Variants in CHD8 observed in about 807,000 individuals in gnomAD.
CHD8 encodes the protein chromodomain helicase DNA binding protein 8.
Under a neutral mutation model 279.2 loss-of-function variants are expected in CHD8, and 31 were observed. The ratio of observed to expected loss-of-function variants is 0.11; its 90% confidence interval spans 0.08 to 0.15. The LOEUF is 0.15. Ranked by LOEUF, CHD8 falls within the 10% of genes least tolerant of loss-of-function variation. The probability of loss-of-function intolerance (pLI) is 1.00; values close to 1 mark genes in which losing one functional copy is unlikely to be tolerated. For synonymous variants in CHD8, 1,081 were observed against 1,139.6 expected, an observed-to-expected ratio of 0.95 and a Z score of 1.04; for missense variants, 2,146 against 3,230.5, an observed-to-expected ratio of 0.66 and a Z score of 8.14.
chr14:21,419,073 G>T (rs1594364600), intron 5 of CHD8, among the ~76,000 whole-genome samples: 1 of 152,292 alleles, frequency 6.6e-6, no homozygotes. Context: ...ATTTTAAAAA[G>T]TCTGGGAGGA....
Position 21,393,665 on chromosome 14 carries a change from G to A in CHD8, c.6130C>T (p.Arg2044Ter), listed in dbSNP as rs772226664. The A allele has an allele frequency of 6.2e-7, 1 of 1,613,864 alleles. No homozygotes were observed. Among genetic ancestry groups the A allele is most frequent in the Non-Finnish European group, 8.5e-7 (1 of 1,179,814 alleles). The change falls in exon 32 of 38, where the codon CGA (arginine) becomes TGA (stop). Residue 2044 changes from arginine (R) to a stop codon, truncating the protein, a stop_gained. Coordinates refer to ENST00000646647, the MANE Select transcript of CHD8 (RefSeq NM_001170629.2). LOFTEE classifies it high-confidence loss of function. ...SRPTPQDYEMRVSPSDTTPLV... is the reference protein window; with the variant it reads ...SRPTPQDYEM Reference sequence around the variant, plus strand: ...GGGGTAGTATCAGAGGGGGATACTCGCATCTCATAGTCTTGTGGGGTTGGT... The same window carrying A: ...GGGGTAGTATCAGAGGGGGATACTCACATCTCATAGTCTTGTGGGGTTGGT...
chr14:21,403,348 CT>C lies in CHD8; in HGVS notation c.3518+104del, dbSNP rs1888114482. On this transcript the variant is annotated intron_variant, in intron 17 of 37. Coordinates refer to ENST00000646647, the MANE Select transcript of CHD8 (RefSeq NM_001170629.2). This position sits in a 1 kb window ranked among gnomAD's most constrained non-coding sequence, Gnocchi z 4.3. ...AAGTTGAGAGTGAGAATCTTAAAAA[CT>C]TCTCTTATTGCAATTGGTGAACTCT... The C allele has an allele frequency of 7.9e-7, 1 of 1,266,202 alleles. No individual in the cohort carries two copies. The highest frequency in any genetic ancestry group is 1.1e-6 in the Non-Finnish European group (1 of 909,300). The allele number at this position is 1,266,202 out of a possible 1,614,324, so 78.4% of individuals were successfully genotyped here. A position where few individuals can be genotyped will look rare whatever the true frequency, so the allele number is the denominator to read the frequency against.
intron 1 of CHD8, among the ~76,000 whole-genome samples, chr14:21,449,948 TAGG>T (rs1464828691): frequency 6.6e-6 from 1 of 152,164 alleles, no homozygotes; most frequent in Non-Finnish European, 1.5e-5. Flanking sequence ...CTAAATTTTA[TAGG>T]AGAATTGATA....
Position 21,402,332 on chromosome 14 carries a change from T to C in CHD8, c.3882+4A>G. The C allele has an allele frequency of 6.2e-7, 1 of 1,613,908 alleles. No individual in the cohort carries two copies. Among genetic ancestry groups the C allele is most frequent in the Non-Finnish European group, 8.5e-7 (1 of 1,179,812 alleles). ...AAACTTATCTATAAACTAAGAGGAC[T>C]CACTCCAGTAATGTTGCCATCCCGA... On this transcript the variant is annotated splice_donor_region_variant and intron_variant, in intron 19 of 37. Coordinates refer to ENST00000646647, the MANE Select transcript of CHD8 (RefSeq NM_001170629.2). The surrounding 1 kb of genome is among the most constrained non-coding windows in gnomAD (Gnocchi z 4.5).
chr14:21,415,165 AAAGT>A (rs1594358872), intron 7 of CHD8, 172 bp from the exon 8 acceptor site: 1 of 588,258 alleles, frequency 1.7e-6, no homozygotes, highest in East Asian at 2.9e-5. Flanking sequence ...ATAGCTGGAA[AAAGT>A]AAGCCTTTAT....
intron 1 of CHD8, among the ~76,000 whole-genome samples, chr14:21,438,818 ACT>A (rs1333876084): frequency 2.0e-5 from 3 of 150,282 alleles, no homozygotes; most frequent in African/African-American, 7.4e-5. Flanking sequence ...ACACAGCGAG[ACT>A]CTGTCTTAAA....
At chr14:21,397,031 T>C in intron 27 of CHD8, 1 of 188,538 alleles carries the variant, frequency 5.3e-6, no homozygotes, top group South Asian at 9.6e-5. Context: ...ACACAGTTCC[T>C]TTTTCTTGAC....
Position 21,403,245 on chromosome 14 carries a change from G to C in CHD8, c.3519-33C>G, listed in dbSNP as rs763784036. ...GGAATCGCAGAAAAAAAATGTAAGT[G>C]GCTAAGCAGAAGTGGAGACCAAAAC... On this transcript the variant is annotated intron_variant, in intron 17 of 37. Transcript: ENST00000646647. The surrounding 1 kb of genome is among the most constrained non-coding windows in gnomAD (Gnocchi z 4.3). 2 of 1,600,208 alleles carry C rather than the reference G, an allele frequency of 1.2e-6. No homozygotes were observed. The highest frequency in any genetic ancestry group is 1.3e-5 in the African/African-American group (1 of 74,576).
At chr14:21,448,461 G>A (rs138670356) in intron 1 of CHD8, among the ~76,000 whole-genome samples, 46 of 152,262 alleles carry the variant, frequency 3.0e-4, no homozygotes, top group African/African-American at 1.0e-3. Context: ...ACATTCTCAA[G>A]GTTCTACAAT....
chr14:21,444,268 GA>G (rs796639539), intron 1 of CHD8, among the ~76,000 whole-genome samples: 1 of 151,854 alleles, frequency 6.6e-6, no homozygotes, highest in South Asian at 2.1e-4. Flanking sequence ...GGATAAATTG[GA>G]AAAAAAATTG....
At position 21,393,727 on chromosome 14, in the gene CHD8, G is replaced by C. The variant is rs1254375366; in HGVS notation, c.6068C>G (p.Thr2023Ser). 1.2e-6 allele frequency: 2 copies of C among 1,613,802 alleles called. No homozygotes were observed. Among genetic ancestry groups the C allele is most frequent in the Non-Finnish European group, 1.7e-6 (2 of 1,179,864 alleles). The change falls in exon 32 of 38, where the codon ACT becomes AGT. Residue 2023 changes from threonine (T) to serine (S), a missense_variant. By Grantham distance (58) the Thr-to-Ser change is moderately conservative (BLOSUM62 1). Transcript: ENST00000646647. ...ATQVPSLESLTLKLEHEVVAR... is the reference protein window; with the variant it reads ...ATQVPSLESLSLKLEHEVVAR... ...CACCACCTCGTGCTCTAGCTTTAAAGTCAGACTCTCCAGACTGGGGACCTG... is the reference window on the plus strand; with the variant it reads ...CACCACCTCGTGCTCTAGCTTTAAACTCAGACTCTCCAGACTGGGGACCTG...
intron 37 of CHD8, among the ~76,000 whole-genome samples, chr14:21,388,404 T>C (rs1454187937): frequency 6.6e-6 from 1 of 152,236 alleles, no homozygotes; most frequent in Non-Finnish European, 1.5e-5. Flanking sequence ...AGTATTTATA[T>C]TGTGTTAGGT....
At chr14:21,386,349 T>A in intron 37 of CHD8, 173 bp from the exon 38 acceptor site, 1 of 611,942 alleles carries the variant, frequency 1.6e-6, no homozygotes, top group Non-Finnish European at 2.8e-6. Context: ...GAGGAAATGC[T>A]GGACTTAGCT....
chr14:21,408,768 T>C lies in CHD8; in HGVS notation c.2422A>G (p.Arg808Gly). 3 of 1,610,336 alleles carry C rather than the reference T, an allele frequency of 1.9e-6. No individual in the cohort carries two copies. Among genetic ancestry groups the C allele is most frequent in the East Asian group, 2.2e-5 (1 of 44,802 alleles). ...KLELSHEYKNRNQLREYQLEG... is the reference protein window; with the variant it reads ...KLELSHEYKNGNQLREYQLEG... ...AACTGATATTCCCGTAGCTGGTTTC[T>C]GTTTTTATATTCATGTGATAGCTCC... The change falls in exon 12 of 38, where the codon AGA becomes GGA. Residue 808 changes from arginine (R) to glycine (G), a missense_variant. Transcript: ENST00000646647. This position sits in a 1 kb window ranked among gnomAD's most constrained non-coding sequence, Gnocchi z 4.3.
At chr14:21,386,731 C>T (rs535972128) in intron 37 of CHD8, among the ~76,000 whole-genome samples, 2 of 151,728 alleles carry the variant, frequency 1.3e-5, no homozygotes, top group South Asian at 2.1e-4. Context: ...CACAGCTACT[C>T]GGGAGGCTGA....
At chr14:21,407,576 G>A (rs1044115489) in intron 13 of CHD8, among the ~76,000 whole-genome samples, 2 of 151,968 alleles carry the variant, frequency 1.3e-5, no homozygotes, top group Non-Finnish European at 2.9e-5. Context: ...TTCCAATTTT[G>A]TTTTCAAATT....
chr14:21,426,149 T>A lies in CHD8; in HGVS notation c.1695A>T (p.Glu565Asp), dbSNP rs1889307696. Residue 565 changes from glutamate (E) to aspartate (D), a missense_variant, in exon 5 of 38, where the codon GAA (glutamate) becomes GAT (aspartate). Physicochemically the swap from Glu to Asp is conservative, Grantham distance 45. Around this residue, in one of 26 missense-constraint regions of CHD8, gnomAD observed 123 missense variants for 169.2 expected, o/e 0.73. Coordinates refer to ENST00000646647, the MANE Select transcript of CHD8 (RefSeq NM_001170629.2). ...TTACCTGAATGCTGCTTTCTTCATCTTCTCGAGGTGACTGTGCAGGCATGA... is the reference window on the plus strand; with the variant it reads ...TTACCTGAATGCTGCTTTCTTCATCATCTCGAGGTGACTGTGCAGGCATGA... ...VEVMPAQSPR[E>D]DEESSIQKRR... The A allele has an allele frequency of 6.2e-7, 1 of 1,607,492 alleles. No individual in the cohort carries two copies.
At chr14:21,422,882 T>C (rs2139518555) in intron 5 of CHD8, among the ~76,000 whole-genome samples, 1 of 152,140 alleles carries the variant, frequency 6.6e-6, no homozygotes, top group South Asian at 2.1e-4. Flanking sequence ...TTAGCCAAGA[T>C]CGTGCCACCG....
At chr14:21,404,154 T>C (rs532231344) in intron 16 of CHD8, among the ~76,000 whole-genome samples, 50 of 151,260 alleles carry the variant, frequency 3.3e-4, no homozygotes, top group African/African-American at 1.1e-3. Flanking sequence ...TCCCAGCACT[T>C]TGGGAGACCG....
Sources: allele counts gnomAD v4.1 joint callset (sites outside exome capture counted in the v4.1 genomes callset), GRCh38; gene constraint gnomAD v4.1.1; regional missense constraint gnomAD v4.1.1; non-coding constraint Gnocchi (gnomAD v3.1); transcripts MANE v1.5; gene names NCBI Gene and HGNC (gene_info 2026-07-23, HGNC 2026-07-21).